Variants in FNBP1L observed in about 807,000 individuals in gnomAD.
FNBP1L encodes formin-binding protein 1-like.
In FNBP1L, 36 loss-of-function variants were observed where a neutral mutation model predicts 91.2. That is an observed-to-expected ratio of 0.39 (90% CI 0.30 to 0.52). FNBP1L has a LOEUF of 0.52. FNBP1L is among the 20% of genes least tolerant of loss of function. The pLI, the probability that FNBP1L is intolerant of heterozygous loss-of-function variation, is 0.66. For missense variants in FNBP1L, 571 were observed against 732.1 expected, an observed-to-expected ratio of 0.78 and a Z score of 2.54; for synonymous variants, 242 against 237.0, an observed-to-expected ratio of 1.02 and a Z score of -0.19.
chr1:93,513,735 A>T (rs1670954251), intron 2 of FNBP1L, among the ~76,000 whole-genome samples: 1 of 152,124 alleles, frequency 6.6e-6, no homozygotes, highest in South Asian at 2.1e-4. Context: ...CATGCTAAAA[A>T]CTCTCAATAA....
intron 1 of FNBP1L, among the ~76,000 whole-genome samples, chr1:93,454,114 G>A (rs539271988): frequency 6.6e-6 from 1 of 152,314 alleles, no homozygotes; most frequent in African/African-American, 2.4e-5. Flanking sequence ...CTTATTCATT[G>A]TCTGATTCAT....
chr1:93,467,009 A>T (rs1197445420), intron 1 of FNBP1L, among the ~76,000 whole-genome samples: 1 of 152,144 alleles, frequency 6.6e-6, no homozygotes, highest in Non-Finnish European at 1.5e-5. Context: ...GGTGTGCGCC[A>T]CCATACCTGG....
rs201897207 is a variant in FNBP1L, at chr1:93,480,313, C to A, written c.25-19155C>A. ...CTAAGTCTGAATACCTTGGACACAT[C>A]AACAATGCTGTTGTCTTTTTCTTGC... On this transcript the variant is annotated intron_variant, in intron 1 of 16. Transcript: ENST00000271234. Among the ~76,000 whole-genome samples the A allele has an allele frequency of 4.6e-5, 7 of 152,344 alleles. No individual in the cohort carries two copies. In the East Asian group the frequency reaches 9.6e-4, roughly 21 times the overall value.
chr1:93,541,060 A>T lies in FNBP1L; in HGVS notation c.1164+4A>T. 1 of 1,536,406 alleles carries T rather than the reference A, an allele frequency of 6.5e-7. No homozygotes were observed. The highest frequency in any genetic ancestry group is 8.7e-7 in the Non-Finnish European group (1 of 1,146,358). On this transcript the variant is annotated splice_donor_region_variant and intron_variant, in intron 11 of 16. Transcript: ENST00000271234. The stretch of plus-strand genomic sequence containing the variant: ...TATTCAGTGGTCGGTGAAGATGGTA[A>T]GCCTTATGTGCTGATCTATATACTG...
At chr1:93,533,371 T>G (rs1671747776) in intron 8 of FNBP1L, among the ~76,000 whole-genome samples, 1 of 152,170 alleles carries the variant, frequency 6.6e-6, no homozygotes, top group Non-Finnish European at 1.5e-5. Flanking sequence ...ACTATTATAT[T>G]AGTTTAGTGA....
chr1:93,515,701 T>TGG (rs1296639402), intron 2 of FNBP1L, among the ~76,000 whole-genome samples: 1 of 134,376 alleles, frequency 7.4e-6, no homozygotes, highest in Non-Finnish European at 1.5e-5. Context: ...CCCTCATAGG[T>TGG]GGGAATTGAA....
chr1:93,539,358 G>A (rs1357993405), intron 10 of FNBP1L, among the ~76,000 whole-genome samples: 4 of 151,768 alleles, frequency 2.6e-5, no homozygotes, highest in African/African-American at 7.2e-5. Flanking sequence ...AATTGTATAT[G>A]AGAATAAGAT....
rs569909239 is a variant in FNBP1L, at chr1:93,485,789, C to T, written c.25-13679C>T. On this transcript the variant is annotated intron_variant, in intron 1 of 16. Coordinates refer to ENST00000271234, the MANE Select transcript of FNBP1L (RefSeq NM_001164473.3). The stretch of plus-strand genomic sequence containing the variant: ...TCAGCTCACTGCAACCTCCGCCTCC[C>T]GGGTTCAAACGATTCTCCTGCCTTA... Among the ~76,000 whole-genome samples, 18 of 152,254 alleles carry T rather than the reference C, an allele frequency of 1.2e-4. No individual in the cohort carries two copies. In the South Asian group the frequency reaches 3.3e-3, roughly 28 times the overall value.
Position 93,534,775 on chromosome 1 carries a change from A to G in FNBP1L, c.857A>G (p.Tyr286Cys). 2 of 1,571,506 alleles carry G rather than the reference A, an allele frequency of 1.3e-6. No individual in the cohort carries two copies. The highest frequency in any genetic ancestry group is 1.7e-6 in the Non-Finnish European group (2 of 1,156,292). The change falls in exon 9 of 17, where the codon TAC (tyrosine) becomes TGC (cysteine). Residue 286 changes from tyrosine to cysteine, a missense_variant. Around this residue, in one of 5 missense-constraint regions of FNBP1L, gnomAD observed 150 missense variants for 155.9 expected, o/e 0.96. Transcript: ENST00000271234. ...EPPGDFPFED[Y>C]SQHIYRTISD... ...CCAGGAGACTTTCCATTTGAAGATT[A>G]CAGTCAACATATATATAGAACCATT... is the stretch of plus-strand genomic sequence containing the variant.
chr1:93,530,776 C>T lies in FNBP1L; in HGVS notation c.532C>T (p.Arg178Cys), dbSNP rs771032500. The change falls in exon 7 of 17, where the codon CGT becomes TGT. Residue 178 changes from arginine (R) to cysteine (C), a missense_variant. Arg to Cys is a radical substitution (Grantham distance 180, BLOSUM62 -3). Transcript: ENST00000271234. ...VEKAKQQLNL[R>C]THMADENKNE... Reference sequence around the variant, plus strand: ...CTAGGCCAAACAGCAGTTGAATCTGCGTACGCATATGGCCGATGAAAATAA... The same window carrying T: ...CTAGGCCAAACAGCAGTTGAATCTGTGTACGCATATGGCCGATGAAAATAA... The T allele has an allele frequency of 1.3e-6, 2 of 1,596,118 alleles. No homozygotes were observed. The highest frequency in any genetic ancestry group is 2.3e-5 in the East Asian group (1 of 44,308).
Position 93,550,969 on chromosome 1 carries a change from A to G in FNBP1L, c.1674A>G (p.Ala558=). 1 of 1,599,282 alleles carries G rather than the reference A, an allele frequency of 6.3e-7. No individual in the cohort carries two copies. Among genetic ancestry groups the G allele is most frequent in the South Asian group, 1.1e-5 (1 of 89,048 alleles). The change falls in exon 16 of 17, where the codon GCA becomes GCG. Residue 558 remains alanine (A), a synonymous_variant. Transcript: ENST00000271234. ...TAGGACATAATGAAGGTACTCTAGC[A>G]ATGAAAGAAGGTGAAGTTCTCTACA... ...PFDGHNEGTL[A]MKEGEVLYII... is the part of the protein sequence containing the mutation.
chr1:93,468,030 A>G (rs1669150445), intron 1 of FNBP1L, among the ~76,000 whole-genome samples: 1 of 152,162 alleles, frequency 6.6e-6, no homozygotes, highest in African/African-American at 2.4e-5. Context: ...TTCCCGTGTA[A>G]CCACTGATCT....
At chr1:93,474,294 G>A (rs1013955779) in intron 1 of FNBP1L, among the ~76,000 whole-genome samples, 12 of 152,140 alleles carry the variant, frequency 7.9e-5, no homozygotes, top group African/African-American at 2.9e-4. Flanking sequence ...ACTTCAGGAT[G>A]CCTCCAATCG....
intron 2 of FNBP1L, among the ~76,000 whole-genome samples, chr1:93,502,647 T>C (rs1670475974): frequency 6.6e-6 from 1 of 152,196 alleles, no homozygotes; most frequent in African/African-American, 2.4e-5. Context: ...AACTTCATGA[T>C]ATGAAAAGTA....
chr1:93,461,020 AT>A (rs1238368564), intron 1 of FNBP1L, among the ~76,000 whole-genome samples: 1 of 151,964 alleles, frequency 6.6e-6, no homozygotes, highest in Non-Finnish European at 1.5e-5. Context: ...CCAAGTTTGC[AT>A]TTTTTTCTTT....
intron 5 of FNBP1L, among the ~76,000 whole-genome samples, chr1:93,527,832 T>C (rs1301670489): frequency 1.3e-5 from 2 of 151,782 alleles, no homozygotes; most frequent in Non-Finnish European, 2.9e-5. Flanking sequence ...TGAAAGGAAA[T>C]GAAAATTAAA....
rs1448565930 is a variant in FNBP1L, at chr1:93,550,950, A to G, written c.1655A>G (p.His552Arg). 31 of 1,579,560 alleles carry G rather than the reference A, an allele frequency of 2.0e-5. No individual in the cohort carries two copies. In the Admixed American group the frequency reaches 2.6e-4, roughly 13 times the overall value. Residue 552 changes from histidine (H) to arginine (R), a missense_variant, in exon 16 of 17, where the codon CAT (histidine) becomes CGT (arginine). By Grantham distance (29) the His-to-Arg change is conservative. Around this residue, in one of 5 missense-constraint regions of FNBP1L, gnomAD observed 189 missense variants for 219.7 expected, o/e 0.86. Transcript: ENST00000271234. ...HCKAIYPFDG[H>R]NEGTLAMKEG... is the part of the protein sequence containing the mutation. ...GCTTGTGAAAACTCTCATCTAGGAC[A>G]TAATGAAGGTACTCTAGCAATGAAA...
At chr1:93,536,822 GTAA>G (rs1671866915) in intron 10 of FNBP1L, among the ~76,000 whole-genome samples, 1 of 151,816 alleles carries the variant, frequency 6.6e-6, no homozygotes, top group Non-Finnish European at 1.5e-5. Flanking sequence ...AGTTACTCTT[GTAA>G]TAATTTGTCA....
At chr1:93,547,902 A>G (rs1239181562) in intron 14 of FNBP1L, among the ~76,000 whole-genome samples, 1 of 152,144 alleles carries the variant, frequency 6.6e-6, no homozygotes, top group Non-Finnish European at 1.5e-5. Context: ...TTGATGTATT[A>G]TATCTTTTTT....
Sources: gnomAD v4.1 joint callset for allele counts (sites outside exome capture counted in the v4.1 genomes callset) on GRCh38, gnomAD v4.1.1 for gene constraint, gnomAD v4.1.1 regional missense constraint, MANE v1.5 for transcripts, NCBI Gene and HGNC (gene_info 2026-07-23, HGNC 2026-07-21) for gene names.